Variants in FMO5 observed in about 807,000 individuals in gnomAD.
The protein encoded by FMO5 is flavin containing dimethylaniline monoxygenase 5, also known as flavin-containing monooxygenase 5.
A neutral mutation model predicts 43.6 loss-of-function variants in FMO5; 51 were observed. That is an observed-to-expected ratio of 1.17 (90% confidence interval 0.93 to 1.48). FMO5 has a LOEUF of 1.48. FMO5 is among the 40% of genes most tolerant of loss of function. The pLI, the probability that FMO5 is intolerant of heterozygous loss-of-function variation, is 0.00. For missense variants in FMO5, 644 were observed against 643.0 expected (o/e 1.00, Z -0.02); for synonymous variants, 187 against 216.5 (o/e 0.86, Z 1.20).
intron 7 of FMO5, among the ~76,000 whole-genome samples, chr1:147,198,768 C>A (rs1267799745): frequency 6.8e-6 from 1 of 146,620 alleles, no homozygotes; most frequent in African/African-American, 2.5e-5. Flanking sequence ...GTAGAATGGC[C>A]TGAACCCAGA....
At position 147,187,035 on chromosome 1, in the gene FMO5, G is replaced by A; in HGVS notation, c.1467C>T (p.Leu489=). The A allele has an allele frequency of 6.2e-7, 1 of 1,614,162 alleles. No homozygotes were observed. Residue 489 remains leucine, a synonymous_variant, in exon 9 of 9, where the codon CTC becomes CTT. Transcript: ENST00000254090. The part of the protein sequence containing the change: ...GKWDGARKAI[L]TTDDRIRKPL... ...GCTTCCTGATGCGATCATCTGTGGT[G>A]AGGATAGCTTTTCGAGCCCCATCCC...
At chr1:147,209,195 G>T in intron 5 of FMO5, 144 bp from the exon 6 acceptor site, 1 of 563,170 alleles carries the variant, frequency 1.8e-6, no homozygotes, top group Non-Finnish European at 3.1e-6. Flanking sequence ...CAAGGCGGGC[G>T]GATCACGAGG....
chr1:147,223,882 G>T (rs1328666787), intron 2 of FMO5: 5 of 346,326 alleles, frequency 1.4e-5, no homozygotes, highest in Non-Finnish European at 2.8e-5. Flanking sequence ...AACAAGAGAA[G>T]AAGCAGAGAC....
downstream of FMO5, chr1:147,184,660 CAG>C (rs1373828538): frequency 1.3e-6 from 2 of 1,489,616 alleles, no homozygotes; most frequent in Non-Finnish European, 1.8e-6. The surrounding 1 kb of genome is among the most constrained non-coding windows in gnomAD (Gnocchi z 4.4). Context: ...AGGAATACAA[CAG>C]AGAGGTAAAG....
intron 6 of FMO5, 116 bp downstream of exon 6, chr1:147,208,736 G>T: frequency 1.2e-6 from 1 of 816,526 alleles, no homozygotes; most frequent in Non-Finnish European, 2.0e-6. Context: ...ACCATGCCCA[G>T]CCACTGTGGG....
At chr1:147,205,528 C>T (rs1659832781) in intron 6 of FMO5, among the ~76,000 whole-genome samples, 1 of 152,080 alleles carries the variant, frequency 6.6e-6, no homozygotes, top group Admixed American at 6.6e-5. Flanking sequence ...GCCTTGGGTT[C>T]TTAAAAAGAA....
At position 147,190,170 on chromosome 1, in the gene FMO5, T is replaced by A. The variant is rs1237162055; in HGVS notation, c.1256+7A>T. 1 of 1,581,836 alleles carries A rather than the reference T, an allele frequency of 6.3e-7. No individual in the cohort carries two copies. Among genetic ancestry groups the A allele is most frequent in the Non-Finnish European group, 8.7e-7 (1 of 1,152,330 alleles). ...TAACCATATATCTTCCTGGGAGAGT[T>A]TCTTACCTTTTGTCAATTTCCTCTT... On this transcript the variant is annotated splice_region_variant and intron_variant, in intron 8 of 8. Transcript: ENST00000254090.
intron 6 of FMO5, among the ~76,000 whole-genome samples, chr1:147,206,109 T>A (rs78569836): frequency 6.7e-6 from 1 of 150,352 alleles, no homozygotes; most frequent in Non-Finnish European, 1.5e-5. Flanking sequence ...GGGTGAAGGA[T>A]ATGAACAGAC....
At chr1:147,203,822 A>C in intron 6 of FMO5, 2 of 1,556,464 alleles carry the variant, frequency 1.3e-6, no homozygotes, top group South Asian at 2.2e-5. Context: ...GGTAGAAATG[A>C]TGCCATCTTC....
chr1:147,186,081 A>G (rs782042498), downstream of FMO5, among the ~76,000 whole-genome samples: 1 of 152,218 alleles, frequency 6.6e-6, no homozygotes, highest in Non-Finnish European at 1.5e-5. Flanking sequence ...AGACCACACT[A>G]CAACAATTGG....
Position 147,212,378 on chromosome 1 carries a change from T to A in FMO5, c.630+15A>T, listed in dbSNP as rs180753294. ...TAGAGTTAAGCAACGTAAATAATAA[T>A]TGAGTGATTCAAACCTGCTTGGCTG... On this transcript the variant is annotated intron_variant, in intron 5 of 8. Coordinates refer to ENST00000254090, the MANE Select transcript of FMO5 (RefSeq NM_001461.4). 2.5e-6 allele frequency: 4 copies of A among 1,613,558 alleles called. No homozygotes were observed. In the East Asian group the frequency reaches 6.7e-5, roughly 27 times the overall value.
chr1:147,222,643 T>C (rs782295692), intron 2 of FMO5, among the ~76,000 whole-genome samples: 1 of 152,166 alleles, frequency 6.6e-6, no homozygotes, highest in Non-Finnish European at 1.5e-5. Flanking sequence ...ACCACACAGG[T>C]GTGGTCTGTT....
At chr1:147,202,378 G>C (rs7535393) in intron 6 of FMO5, among the ~76,000 whole-genome samples, 8,029 of 129,228 alleles carry the variant, frequency 0.062, 249 homozygotes, top group African/African-American at 0.11. Flanking sequence ...GGAGTGCAGT[G>C]GCATGATCTT....
chr1:147,190,265 A>G lies in FMO5; in HGVS notation c.1184-16T>C. 6.8e-7 allele frequency: 1 copy of G among 1,480,130 alleles called. No homozygotes were observed. Among genetic ancestry groups the G allele is most frequent in the Non-Finnish European group, 9.4e-7 (1 of 1,062,846 alleles). 91.7% of individuals were successfully genotyped at this position (1,480,130 alleles called of 1,614,324 possible). A position where few individuals can be genotyped will look rare whatever the true frequency, so the allele number is the denominator to read the frequency against. ...GTCTTTAGACCTAAAAACAAAAATT[A>G]ACATTTTAACTGTAAAATTACCTCA... is the stretch of plus-strand genomic sequence containing the variant. On this transcript the variant is annotated splice_polypyrimidine_tract_variant and intron_variant, in intron 7 of 8. Coordinates refer to ENST00000254090, the MANE Select transcript of FMO5 (RefSeq NM_001461.4).
At chr1:147,203,462 G>C (rs1318957457) in intron 6 of FMO5, 7 of 829,114 alleles carry the variant, frequency 8.4e-6, no homozygotes, top group Non-Finnish European at 1.5e-5. Flanking sequence ...GTTACAGCAG[G>C]GACTACAGCC....
intron 6 of FMO5, chr1:147,203,715 G>A (rs1444656500): frequency 3.8e-5 from 58 of 1,514,436 alleles, no homozygotes; most frequent in Non-Finnish European, 4.8e-5. Flanking sequence ...GGTACAAGAC[G>A]TTTATCCCTT....
At chr1:147,226,606 A>G (rs1663998587), upstream of FMO5, among the ~76,000 whole-genome samples, 1 of 152,190 alleles carries the variant, frequency 6.6e-6, no homozygotes, top group African/African-American at 2.4e-5. Flanking sequence ...CAAGGGTTCT[A>G]TTTGACAGAT....
chr1:147,191,689 A>C (rs1180736821), intron 7 of FMO5, among the ~76,000 whole-genome samples: 1 of 151,168 alleles, frequency 6.6e-6, no homozygotes. Flanking sequence ...ATTTTTGTAT[A>C]AGGTGTAAGG....
At chr1:147,219,510 A>T (rs1273538795) in intron 2 of FMO5, among the ~76,000 whole-genome samples, 2 of 152,170 alleles carry the variant, frequency 1.3e-5, no homozygotes, top group African/African-American at 4.8e-5. Context: ...TCTACAAAAT[A>T]CCTATAACCA....
Sources: allele counts gnomAD v4.1 joint callset (sites outside exome capture counted in the v4.1 genomes callset), GRCh38; gene constraint gnomAD v4.1.1; non-coding constraint Gnocchi (gnomAD v3.1); transcripts MANE v1.5; gene names NCBI Gene and HGNC (gene_info 2026-07-23, HGNC 2026-07-21).